Variants in FBXL7 observed in about 807,000 individuals in gnomAD.
FBXL7 encodes the protein F-box/LRR-repeat protein 7.
A neutral mutation model predicts 38.3 loss-of-function variants in FBXL7; 12 were observed. The observed-to-expected ratio is 0.31, with a 90% CI of 0.20 to 0.51. The LOEUF is 0.51. Among genes scored for constraint, FBXL7 ranks in the 20% least tolerant of loss-of-function variants. The pLI, the probability that FBXL7 is intolerant of heterozygous loss-of-function variation, is 0.98. For synonymous variants in FBXL7, 297 were observed against 300.9 expected (o/e 0.99, Z 0.13); for missense variants, 567 against 676.4 (o/e 0.84, Z 1.79).
intron 2 of FBXL7, among the ~76,000 whole-genome samples, chr5:15,706,740 G>T (rs972501341): frequency 1.3e-5 from 2 of 152,148 alleles, no homozygotes; most frequent in Non-Finnish European, 2.9e-5. Flanking sequence ...GGGAACAGAG[G>T]ATTTTCCCTA....
At chr5:15,580,878 A>G (rs1739116288) in intron 1 of FBXL7, 12 of 938,508 alleles carry the variant, frequency 1.3e-5, no homozygotes, top group Non-Finnish European at 1.5e-5. Flanking sequence ...TGGAAGGGGC[A>G]TGGAAGACAG....
At chr5:15,912,902 G>A (rs958551032) in intron 2 of FBXL7, among the ~76,000 whole-genome samples, 2 of 152,250 alleles carry the variant, frequency 1.3e-5, no homozygotes, top group Middle Eastern at 3.4e-3. Context: ...CTACCCATGC[G>A]AAATGTATCC....
chr5:15,794,269 T>C (rs1737357423), intron 2 of FBXL7, among the ~76,000 whole-genome samples: 2 of 152,344 alleles, frequency 1.3e-5, no homozygotes, highest in South Asian at 4.1e-4. Context: ...ACTCAGACTG[T>C]TTCCATAGTA....
chr5:15,843,062 C>G (rs1455099614), intron 2 of FBXL7, among the ~76,000 whole-genome samples: 1 of 152,124 alleles, frequency 6.6e-6, no homozygotes, highest in Non-Finnish European at 1.5e-5. Flanking sequence ...ATCTTTATAT[C>G]AGGCTTATGT....
chr5:15,690,796 G>A (rs982136667), intron 2 of FBXL7, among the ~76,000 whole-genome samples: 2 of 152,158 alleles, frequency 1.3e-5, no homozygotes, highest in African/African-American at 4.8e-5. Flanking sequence ...GGAATGTTGT[G>A]GGGGTGGAGG....
At chr5:15,556,531 A>G (rs1372843750) in intron 1 of FBXL7, among the ~76,000 whole-genome samples, 1 of 152,180 alleles carries the variant, frequency 6.6e-6, no homozygotes, top group African/African-American at 2.4e-5. Flanking sequence ...TGGTCCAGTC[A>G]AGTTGACCAT....
chr5:15,573,376 A>C (rs556809568), intron 1 of FBXL7, among the ~76,000 whole-genome samples: 23 of 152,324 alleles, frequency 1.5e-4, no homozygotes, highest in African/African-American at 5.5e-4. Context: ...AGTTTCAAAG[A>C]ATCTTGCCAA....
chr5:15,602,937 G>T (rs537129933), intron 1 of FBXL7, among the ~76,000 whole-genome samples: 19 of 152,200 alleles, frequency 1.2e-4, no homozygotes, highest in African/African-American at 4.6e-4. Context: ...GGGCTCAGGG[G>T]ATCCTCTGGC....
At chr5:15,579,620 C>G (rs939458951) in intron 1 of FBXL7, among the ~76,000 whole-genome samples, 8 of 152,120 alleles carry the variant, frequency 5.3e-5, no homozygotes, top group African/African-American at 1.9e-4. Context: ...TTCCAGACAA[C>G]CTTAAAAGTT....
rs769550816 is a variant in FBXL7 at position 15,936,580 on chromosome 5, G to A, written c.870G>A (p.Leu290=). 14 of 1,612,100 alleles carry A rather than the reference G, an allele frequency of 8.7e-6. No homozygotes were observed. Among genetic ancestry groups the A allele is most frequent in the Non-Finnish European group, 1.2e-5 (14 of 1,179,900 alleles). The change falls in exon 4 of 4, where the codon CTG becomes CTA. Residue 290 remains leucine, a synonymous_variant. Transcript: ENST00000504595. This position sits in a 1 kb window ranked among gnomAD's most constrained non-coding sequence, Gnocchi z 6.0. Reference sequence around the variant, plus strand: ...GCTTCGTGCTGGAGGACGAAGGCCTGCACACCATCGCGGCGCACTGCACGC... The same window carrying A: ...GCTTCGTGCTGGAGGACGAAGGCCTACACACCATCGCGGCGCACTGCACGC... ...TDCFVLEDEG[L]HTIAAHCTQL...
chr5:15,521,745 T>C (rs1737101227), intron 1 of FBXL7, among the ~76,000 whole-genome samples: 1 of 152,150 alleles, frequency 6.6e-6, no homozygotes, highest in South Asian at 2.1e-4. Flanking sequence ...AAAAGAAGGA[T>C]AAAGAAACTC....
intron 2 of FBXL7, among the ~76,000 whole-genome samples, chr5:15,830,841 C>T (rs1245646696): frequency 6.6e-6 from 1 of 152,128 alleles, no homozygotes; most frequent in Non-Finnish European, 1.5e-5. Flanking sequence ...CACCCAGTCC[C>T]AGCACTCAGG....
At chr5:15,623,082 A>G (rs554311997) in intron 2 of FBXL7, among the ~76,000 whole-genome samples, 1 of 152,340 alleles carries the variant, frequency 6.6e-6, no homozygotes, top group East Asian at 1.9e-4. Context: ...CAAATTAGAA[A>G]AAACATAACT....
chr5:15,782,363 A>C (rs1737020214), intron 2 of FBXL7, among the ~76,000 whole-genome samples: 2 of 152,220 alleles, frequency 1.3e-5, no homozygotes, highest in African/African-American at 4.8e-5. Flanking sequence ...TTGCTGGGCC[A>C]AATGGTATTT....
chr5:15,641,923 GTAACT>G (rs920096162), intron 2 of FBXL7, among the ~76,000 whole-genome samples: 1 of 146,806 alleles, frequency 6.8e-6, no homozygotes, highest in African/African-American at 2.5e-5. Flanking sequence ...ATAGTATATG[GTAACT>G]TAACATAAAA....
At chr5:15,609,404 C>A (rs1740146179) in intron 1 of FBXL7, among the ~76,000 whole-genome samples, 1 of 152,194 alleles carries the variant, frequency 6.6e-6, no homozygotes, top group South Asian at 2.1e-4. Flanking sequence ...TATTTTAAAA[C>A]CAGCACAGCT....
At chr5:15,783,828 G>A (rs1480800908) in intron 2 of FBXL7, among the ~76,000 whole-genome samples, 3 of 152,222 alleles carry the variant, frequency 2.0e-5, no homozygotes, top group African/African-American at 7.2e-5. Context: ...GGAAGGCTTA[G>A]AGAGGAAAAG....
chr5:15,751,462 C>A (rs1252803098), intron 2 of FBXL7, among the ~76,000 whole-genome samples: 1 of 152,182 alleles, frequency 6.6e-6, no homozygotes. Flanking sequence ...TATAGACTTA[C>A]ATCTACAAAT....
chr5:15,774,029 A>G (rs1181103102), intron 2 of FBXL7, among the ~76,000 whole-genome samples: 4 of 152,088 alleles, frequency 2.6e-5, no homozygotes, highest in Non-Finnish European at 5.9e-5. Flanking sequence ...CCACAAATTT[A>G]ATGACAAAAA....
Sources: gnomAD v4.1 joint callset for allele counts (sites outside exome capture counted in the v4.1 genomes callset) on GRCh38, gnomAD v4.1.1 for gene constraint, Gnocchi (gnomAD v3.1) non-coding constraint, MANE v1.5 for transcripts, NCBI Gene and HGNC (gene_info 2026-07-23, HGNC 2026-07-21) for gene names.